Variants in LIN52 observed in about 807,000 individuals in gnomAD.
The protein encoded by LIN52 is lin-52 DREAM MuvB core complex component, also known as protein lin-52 homolog.
In LIN52, 4 loss-of-function variants were observed where a neutral mutation model predicts 18.5. The observed-to-expected ratio is 0.22, with a 90% CI of 0.11 to 0.49. The LOEUF (loss-of-function observed/expected upper bound fraction) is 0.49, where lower values mean the gene tolerates loss of function less well. LIN52 is among the 20% of genes least tolerant of loss of function. The pLI, the probability that LIN52 is intolerant of heterozygous loss-of-function variation, is 0.97. For synonymous variants in LIN52, 34 were observed against 45.5 expected (o/e 0.75, Z 1.02); for missense variants, 102 against 139.5 (o/e 0.73, Z 1.35).
intron 5 of LIN52, among the ~76,000 whole-genome samples, chr14:74,171,801 C>T (rs1312408160): frequency 3.0e-5 from 4 of 135,558 alleles, no homozygotes; most frequent in African/African-American, 8.7e-5. Flanking sequence ...AGCAATGGTG[C>T]GATCTTGGCT....
At chr14:74,141,093 C>G (rs756952785) in intron 5 of LIN52, among the ~76,000 whole-genome samples, 2 of 152,122 alleles carry the variant, frequency 1.3e-5, no homozygotes, top group Non-Finnish European at 2.9e-5. Flanking sequence ...AAAGATCTCT[C>G]TGTGCTTTTA....
chr14:74,099,349 CCCT>C (rs2060838131), intron 4 of LIN52, among the ~76,000 whole-genome samples: 1 of 152,016 alleles, frequency 6.6e-6, no homozygotes, highest in Non-Finnish European at 1.5e-5. Context: ...AATGCAGATT[CCCT>C]CCTCCTGCCA....
chr14:74,152,460 A>G (rs1180029268), intron 5 of LIN52, among the ~76,000 whole-genome samples: 2 of 152,056 alleles, frequency 1.3e-5, no homozygotes, highest in East Asian at 1.9e-4. Context: ...TCATTCACTA[A>G]GTGCTTTAGG....
At chr14:74,129,754 A>T (rs1197265535) in intron 5 of LIN52, among the ~76,000 whole-genome samples, 1 of 152,104 alleles carries the variant, frequency 6.6e-6, no homozygotes, top group Non-Finnish European at 1.5e-5. Flanking sequence ...AGGCTGAGAC[A>T]AGAGGATTCC....
At chr14:74,198,603 G>A (rs1176113431) in intron 5 of LIN52, among the ~76,000 whole-genome samples, 3 of 152,208 alleles carry the variant, frequency 2.0e-5, no homozygotes, top group Non-Finnish European at 4.4e-5. Flanking sequence ...GTGAACATGA[G>A]TATTAGGTTA....
chr14:74,125,690 C>T (rs1205047339), intron 5 of LIN52, among the ~76,000 whole-genome samples: 3 of 151,944 alleles, frequency 2.0e-5, no homozygotes, highest in African/African-American at 4.8e-5. Context: ...CATATTCACC[C>T]TGGAATACTA....
chr14:74,114,348 G>A, intron 5 of LIN52: 2 of 985,452 alleles, frequency 2.0e-6, no homozygotes, highest in Non-Finnish European at 2.4e-6. Context: ...GGATAGAGTA[G>A]GATGGTAGAG....
At chr14:74,178,022 A>AC (rs1755733440) in intron 5 of LIN52, among the ~76,000 whole-genome samples, 3 of 151,866 alleles carry the variant, frequency 2.0e-5, no homozygotes, top group Admixed American at 2.0e-4. Context: ...CAAGTGATTC[A>AC]CCTGCCTCGG....
At chr14:74,176,974 C>A (rs989629446) in intron 5 of LIN52, among the ~76,000 whole-genome samples, 1 of 151,476 alleles carries the variant, frequency 6.6e-6, no homozygotes, top group African/African-American at 2.4e-5. Context: ...TTTATTCATT[C>A]ATCAGTGGGA....
intron 5 of LIN52, among the ~76,000 whole-genome samples, chr14:74,135,568 G>A (rs948555983): frequency 7.2e-5 from 11 of 152,146 alleles, no homozygotes; most frequent in African/African-American, 2.7e-4. Context: ...TCATGGGAGT[G>A]GGAAGATTAA....
intron 5 of LIN52, among the ~76,000 whole-genome samples, chr14:74,104,412 A>G (rs148382581): frequency 2.0e-5 from 3 of 152,108 alleles, no homozygotes; most frequent in Admixed American, 1.3e-4. Context: ...TTAGCCTGTC[A>G]TACTTCCACC....
chr14:74,193,459 AT>A (rs1198139748), intron 5 of LIN52, among the ~76,000 whole-genome samples: 1 of 152,008 alleles, frequency 6.6e-6, no homozygotes, highest in Non-Finnish European at 1.5e-5. Flanking sequence ...AAATTTGAGA[AT>A]TTTGGTGTTT....
At chr14:74,096,912 A>G (rs2060817781) in intron 3 of LIN52, among the ~76,000 whole-genome samples, 1 of 152,214 alleles carries the variant, frequency 6.6e-6, no homozygotes, top group Non-Finnish European at 1.5e-5. Flanking sequence ...TGCAACTAGC[A>G]TTAAACTGCC....
At chr14:74,122,944 G>A (rs1470316508) in intron 5 of LIN52, among the ~76,000 whole-genome samples, 3 of 152,078 alleles carry the variant, frequency 2.0e-5, no homozygotes, top group African/African-American at 2.4e-5. Context: ...GAAGTATGGC[G>A]AGCCCAGGAT....
chr14:74,192,359 C>T (rs961345300), intron 5 of LIN52, among the ~76,000 whole-genome samples: 1 of 152,166 alleles, frequency 6.6e-6, no homozygotes, highest in African/African-American at 2.4e-5. Context: ...GATCTCGGCT[C>T]ACTGCAACCT....
At chr14:74,194,749 G>A (rs559286749) in intron 5 of LIN52, among the ~76,000 whole-genome samples, 1 of 152,324 alleles carries the variant, frequency 6.6e-6, no homozygotes, top group South Asian at 2.1e-4. Flanking sequence ...TACACCAGTA[G>A]CTGATGACCA....
At chr14:74,105,056 G>C (rs1295698165) in intron 5 of LIN52, among the ~76,000 whole-genome samples, 1 of 152,134 alleles carries the variant, frequency 6.6e-6, no homozygotes, top group Non-Finnish European at 1.5e-5. Flanking sequence ...CTACTGGCAT[G>C]ATGGGATAAA....
At chr14:74,153,592 T>A (rs957998765) in intron 5 of LIN52, among the ~76,000 whole-genome samples, 4 of 152,004 alleles carry the variant, frequency 2.6e-5, no homozygotes, top group African/African-American at 9.7e-5. Flanking sequence ...TTGCCCAGGC[T>A]GGAGTACAGT....
chr14:74,186,780 A>G (rs1262024067), intron 5 of LIN52, among the ~76,000 whole-genome samples: 1 of 152,060 alleles, frequency 6.6e-6, no homozygotes, highest in Non-Finnish European at 1.5e-5. Flanking sequence ...GGCGGATCAC[A>G]AGGTCAGGAG....
Sources: allele counts gnomAD v4.1 joint callset (sites outside exome capture counted in the v4.1 genomes callset), GRCh38; gene constraint gnomAD v4.1.1; transcripts MANE v1.5; gene names NCBI Gene and HGNC (gene_info 2026-07-23, HGNC 2026-07-21).